Variants in ADGRL3 observed in about 807,000 individuals in gnomAD.
ADGRL3 encodes the protein calcium-independent alpha-latrotoxin receptor 3.
A neutral mutation model predicts 153.5 loss-of-function variants in ADGRL3; 62 were observed. The ratio of observed to expected loss-of-function variants is 0.40; its 90% confidence interval spans 0.33 to 0.50. The LOEUF (loss-of-function observed/expected upper bound fraction) is 0.50. ADGRL3 is among the 20% of genes least tolerant of loss of function. The pLI is 0.47. For missense variants in ADGRL3, 1,641 were observed against 1,859.4 expected (o/e 0.88, Z 2.16); for synonymous variants, 710 against 672.5 (o/e 1.06, Z -0.86).
At chr4:61,312,598 C>G (rs1437985396) in intron 1 of ADGRL3, among the ~76,000 whole-genome samples, 2 of 152,108 alleles carry the variant, frequency 1.3e-5, no homozygotes, top group African/African-American at 4.8e-5. Context: ...GAATTTACAA[C>G]TCACCACAGA....
intron 1 of ADGRL3, among the ~76,000 whole-genome samples, chr4:61,306,712 TTC>T (rs1180659938): frequency 6.6e-6 from 1 of 152,116 alleles, no homozygotes; most frequent in Non-Finnish European, 1.5e-5. Context: ...CTCTTAAGTG[TTC>T]TCTTTCATCA....
intron 9 of ADGRL3, among the ~76,000 whole-genome samples, chr4:61,873,998 C>T (rs1196713917): frequency 6.6e-6 from 1 of 152,138 alleles, no homozygotes; most frequent in Middle Eastern, 3.2e-3. Context: ...GAAGCCAGAT[C>T]ATATCCTAAA....
chr4:61,858,730 A>T (rs1365987711), intron 9 of ADGRL3, among the ~76,000 whole-genome samples: 3 of 152,230 alleles, frequency 2.0e-5, no homozygotes, highest in Non-Finnish European at 4.4e-5. Flanking sequence ...TCGAACTATT[A>T]CAAAATGGAA....
chr4:61,955,100 T>C (rs1311662761), intron 17 of ADGRL3, among the ~76,000 whole-genome samples: 1 of 152,192 alleles, frequency 6.6e-6, no homozygotes, highest in Non-Finnish European at 1.5e-5. Flanking sequence ...GAGTAGGGGA[T>C]AGTGGGTTAG....
intron 21 of ADGRL3, among the ~76,000 whole-genome samples, chr4:62,004,086 G>C (rs1432372900): frequency 6.6e-6 from 1 of 152,042 alleles, no homozygotes; most frequent in Non-Finnish European, 1.5e-5. Flanking sequence ...CATTCAGCTT[G>C]ATGAGTATTA....
At chr4:61,925,386 A>T (rs1414837722) in intron 13 of ADGRL3, among the ~76,000 whole-genome samples, 2 of 152,114 alleles carry the variant, frequency 1.3e-5, no homozygotes, top group African/African-American at 4.8e-5. Context: ...AGACATACCA[A>T]TGGCTTTAAT....
At chr4:61,408,969 G>A (rs947503235) in intron 2 of ADGRL3, among the ~76,000 whole-genome samples, 2 of 151,454 alleles carry the variant, frequency 1.3e-5, no homozygotes, top group African/African-American at 4.8e-5. Flanking sequence ...GTTTTATGCA[G>A]TCTCTGCATT....
intron 1 of ADGRL3, among the ~76,000 whole-genome samples, chr4:61,380,143 A>G (rs1300127942): frequency 6.6e-6 from 1 of 151,978 alleles, no homozygotes; most frequent in African/African-American, 2.4e-5. Flanking sequence ...TTTTATAAAT[A>G]TGTAAAAATG....
rs183760916 is a variant in ADGRL3, at chr4:61,759,984, C to T, written c.1399+26430C>T. On this transcript the variant is annotated intron_variant, in intron 8 of 26. Transcript: ENST00000683033. ...ATCAGCAGCGGAGGCTGCAGAACAT[C>T]GGATACTGGTGACCAGCAAATGTTG... is the stretch of plus-strand genomic sequence containing the variant. 1.7e-3 allele frequency among the ~76,000 whole-genome samples: 266 copies of T among 152,298 alleles called. 1 individual carries two copies. The highest frequency in any genetic ancestry group is 3.1e-3 in the Non-Finnish European group (214 of 68,030).
chr4:61,319,878 C>T (rs1361461372), intron 1 of ADGRL3, among the ~76,000 whole-genome samples: 1 of 152,118 alleles, frequency 6.6e-6, no homozygotes, highest in African/African-American at 2.4e-5. Context: ...AAAATTGTTT[C>T]TCCTCTGGTA....
At chr4:61,835,772 AG>A (rs2097925269) in intron 9 of ADGRL3, among the ~76,000 whole-genome samples, 1 of 132,638 alleles carries the variant, frequency 7.5e-6, no homozygotes, top group Admixed American at 7.9e-5. Flanking sequence ...ATAGCAAACC[AG>A]AAACGAATCA....
Position 61,909,591 on chromosome 4 carries a change from C to G in ADGRL3, c.1919C>G (p.Ala640Gly). ...TCTGGTGAAACAGCTGCCAACATTG[C>G]TAGAGAGCTGGCTGAACAGACAAGA... The part of the protein sequence containing the change: ...LKSGETAANI[A>G]RELAEQTRNH... The change falls in exon 12 of 27, where the codon GCT (alanine) becomes GGT (glycine). Residue 640 changes from alanine (A) to glycine (G), a missense_variant. Physicochemically the swap from Ala to Gly is moderately conservative, Grantham distance 60 (BLOSUM62 0). This residue lies in a region of ADGRL3 where 734 missense variants were observed against 797.0 expected (regional missense o/e 0.92). Transcript: ENST00000683033. 6.2e-7 allele frequency: 1 copy of G among 1,613,150 alleles called. No individual in the cohort carries two copies.
chr4:61,836,690 G>A (rs12501091), intron 9 of ADGRL3, among the ~76,000 whole-genome samples: 22 of 151,892 alleles, frequency 1.4e-4, no homozygotes, highest in Admixed American at 3.3e-4. Flanking sequence ...TTAACATTTC[G>A]TTTTAAAATG....
chr4:61,832,267 TAGGACAA>T (rs2097880655), intron 9 of ADGRL3, among the ~76,000 whole-genome samples: 1 of 152,176 alleles, frequency 6.6e-6, no homozygotes. Context: ...ATGATTCTCT[TAGGACAA>T]AGGATGGGAC....
chr4:61,826,454 A>G (rs913323140), intron 9 of ADGRL3, among the ~76,000 whole-genome samples: 1 of 152,216 alleles, frequency 6.6e-6, no homozygotes, highest in Non-Finnish European at 1.5e-5. Context: ...AAAGGAAAGT[A>G]TAAATAAACA....
rs547526374 is a variant in ADGRL3 at position 61,764,348 on chromosome 4, T to A, written c.1399+30794T>A. 5.3e-5 allele frequency among the ~76,000 whole-genome samples: 8 copies of A among 151,440 alleles called. No individual in the cohort carries two copies. In the South Asian group the frequency reaches 1.7e-3, roughly 32 times the overall value. ...GAAGGGAGATAAGGGTGGGGCCGTT[T>A]TATAGGATTTGGGTAGGTAAAGGAA... On this transcript the variant is annotated intron_variant, in intron 8 of 26. Coordinates refer to ENST00000683033, the MANE Select transcript of ADGRL3 (RefSeq NM_001387552.1).
At position 61,385,075 on chromosome 4, in the gene ADGRL3, C is replaced by T. The variant is rs370838838; in HGVS notation, c.-174+1886C>T. On this transcript the variant is annotated intron_variant, in intron 2 of 26. Transcript: ENST00000683033. ...AATTTATGGTATATGAATTATATCTCAATTAAAATATTAGAAAACAAACCT... is the reference window on the plus strand; with the variant it reads ...AATTTATGGTATATGAATTATATCTTAATTAAAATATTAGAAAACAAACCT... Among the ~76,000 whole-genome samples the T allele has an allele frequency of 8.0e-4, 122 of 152,166 alleles. 2 individuals carry two copies. The South Asian group carries it at 0.024, about 31-fold the overall frequency.
intron 21 of ADGRL3, among the ~76,000 whole-genome samples, chr4:62,004,308 A>G (rs1477596904): frequency 5.3e-5 from 8 of 151,992 alleles, no homozygotes; most frequent in African/African-American, 7.2e-5. Context: ...TTTCTATACT[A>G]TAGTCAAAGC....
chr4:61,485,880 A>AT (rs1560713714), intron 2 of ADGRL3, among the ~76,000 whole-genome samples: 1 of 151,726 alleles, frequency 6.6e-6, no homozygotes, highest in Admixed American at 6.6e-5. Context: ...ATTTAAGAAG[A>AT]TATTTAAAGC....
Sources: gnomAD v4.1 joint callset for allele counts (sites outside exome capture counted in the v4.1 genomes callset) on GRCh38, gnomAD v4.1.1 for gene constraint, gnomAD v4.1.1 regional missense constraint, MANE v1.5 for transcripts, NCBI Gene and HGNC (gene_info 2026-07-23, HGNC 2026-07-21) for gene names.